Variants in ANKRD44 observed in about 807,000 individuals in gnomAD.
ANKRD44 encodes the protein serine/threonine-protein phosphatase 6 regulatory ankyrin repeat subunit B.
ANKRD44 carries 35 observed loss-of-function variants against 116.0 expected under a neutral mutation model. That is an observed-to-expected ratio of 0.30 (90% CI 0.23 to 0.40). The LOEUF (loss-of-function observed/expected upper bound fraction) is 0.40. Ranked by LOEUF, ANKRD44 falls within the 10% of genes least tolerant of loss-of-function variation. The pLI is 1.00. For synonymous variants in ANKRD44, 435 were observed against 461.8 expected (o/e 0.94, Z 0.74); for missense variants, 1,014 against 1,242.6 (o/e 0.82, Z 2.77).
At chr2:197,083,568 G>GAA in intron 13 of ANKRD44, 59 bp from the exon 14 acceptor site, 2 of 1,556,828 alleles carry the variant, frequency 1.3e-6, no homozygotes, top group Non-Finnish European at 1.7e-6. Context: ...CCTGTTGTTG[G>GAA]CACTAGCACT....
intron 1 of ANKRD44, chr2:197,263,584 C>G (rs757893243): frequency 2.1e-5 from 5 of 241,512 alleles, no homozygotes; most frequent in Non-Finnish European, 4.2e-5. Flanking sequence ...TCTTGTCAGC[C>G]CTGTATGTTT....
At position 197,057,723 on chromosome 2, in the gene ANKRD44, C is replaced by T. The variant is rs553976424; in HGVS notation, c.1650+20980G>A. ...ATTTTTAAAAGTTAGCCAGGCATGGCGGCACATGCCTGTAATCCCAGATAC... is the reference window on the plus strand; with the variant it reads ...ATTTTTAAAAGTTAGCCAGGCATGGTGGCACATGCCTGTAATCCCAGATAC... On this transcript the variant is annotated intron_variant, in intron 16 of 27. Transcript: ENST00000282272. Among the ~76,000 whole-genome samples the T allele has an allele frequency of 4.6e-5, 7 of 152,192 alleles. No homozygotes were observed. In the East Asian group the frequency reaches 1.2e-3, roughly 25 times the overall value.
At chr2:197,050,343 T>TA (rs2077083560) in intron 16 of ANKRD44, among the ~76,000 whole-genome samples, 1 of 152,092 alleles carries the variant, frequency 6.6e-6, no homozygotes. Context: ...TGGGGACACA[T>TA]ATCCAAATCA....
At chr2:197,236,371 C>T (rs1046025813) in intron 1 of ANKRD44, among the ~76,000 whole-genome samples, 3 of 152,120 alleles carry the variant, frequency 2.0e-5, no homozygotes, top group Admixed American at 1.3e-4. Context: ...ACTGAGGCTG[C>T]CACTCACAGG....
intron 3 of ANKRD44, among the ~76,000 whole-genome samples, chr2:197,145,383 TC>T (rs1379260653): frequency 6.6e-6 from 1 of 152,102 alleles, no homozygotes; most frequent in African/African-American, 2.4e-5. Context: ...ACCACAAAGT[TC>T]TTTATTTTAT....
At chr2:197,042,168 G>A (rs56353829) in intron 16 of ANKRD44, among the ~76,000 whole-genome samples, 24,418 of 152,080 alleles carry the variant, frequency 0.16, 3,851 homozygotes, top group African/African-American at 0.41. Flanking sequence ...TTCCTACTTT[G>A]AGTCTTTCCA....
At chr2:197,254,123 T>C (rs940306626) in intron 1 of ANKRD44, among the ~76,000 whole-genome samples, 5 of 152,184 alleles carry the variant, frequency 3.3e-5, no homozygotes, top group Admixed American at 2.6e-4. Flanking sequence ...CGAGGCACGG[T>C]GGCTCACGCC....
chr2:197,043,120 A>C (rs1335188793), intron 16 of ANKRD44, among the ~76,000 whole-genome samples: 2 of 152,220 alleles, frequency 1.3e-5, no homozygotes, highest in African/African-American at 2.4e-5. Flanking sequence ...AACCAGTTTC[A>C]CTGTTTGCTG....
intron 16 of ANKRD44, among the ~76,000 whole-genome samples, chr2:197,037,226 T>C (rs1464695978): frequency 2.0e-5 from 3 of 152,232 alleles, no homozygotes; most frequent in African/African-American, 7.2e-5. Context: ...CAAATAAACA[T>C]TACTAGAGAA....
chr2:197,245,065 A>T (rs2082162266), intron 1 of ANKRD44, among the ~76,000 whole-genome samples: 1 of 152,196 alleles, frequency 6.6e-6, no homozygotes, highest in African/African-American at 2.4e-5. Flanking sequence ...TTTTGAGACC[A>T]ACCTGGCCAA....
chr2:197,236,874 T>C (rs2081990252), intron 1 of ANKRD44, among the ~76,000 whole-genome samples: 2 of 152,208 alleles, frequency 1.3e-5, no homozygotes, highest in Admixed American at 6.5e-5. Flanking sequence ...CTACTGTTTT[T>C]AGCTTACTCC....
intron 4 of ANKRD44, among the ~76,000 whole-genome samples, chr2:197,131,243 G>C (rs1466561701): frequency 2.7e-5 from 4 of 149,322 alleles, no homozygotes; most frequent in African/African-American, 9.9e-5. Context: ...CCAGGCTGGA[G>C]TGCAGTGGCG....
At chr2:197,175,512 T>C (rs1297034221) in intron 2 of ANKRD44, among the ~76,000 whole-genome samples, 1 of 152,130 alleles carries the variant, frequency 6.6e-6, no homozygotes, top group Non-Finnish European at 1.5e-5. Context: ...ACACACAGTG[T>C]CGGTACCACT....
intron 16 of ANKRD44, among the ~76,000 whole-genome samples, chr2:197,063,034 TGACCCCC>T (rs2077350050): frequency 6.6e-6 from 1 of 151,150 alleles, no homozygotes; most frequent in African/African-American, 2.5e-5. Context: ...AGTGGGTCCC[TGACCCCC>T]GAGTAGCCTA....
intron 1 of ANKRD44, among the ~76,000 whole-genome samples, chr2:197,269,814 G>C (rs531631119): frequency 1.3e-5 from 2 of 152,294 alleles, no homozygotes; most frequent in Admixed American, 1.3e-4. Context: ...AGGCTTCGGA[G>C]AGACAGTGGC....
In ANKRD44 at chr2:197,140,363, T is replaced by C. The variant is rs139157206; in HGVS notation, c.191-3701A>G. ...TAGAGACAGGGTCTCACTCTGTCAC[T>C]CAGGCTGGAGTGTAGTGGCATTATA... On this transcript the variant is annotated intron_variant, in intron 3 of 27. Transcript: ENST00000282272. 2.9e-3 allele frequency among the ~76,000 whole-genome samples: 437 copies of C among 152,004 alleles called. 1 individual carries two copies. The highest frequency in any genetic ancestry group is 0.017 in the East Asian group (86 of 5,132).
intron 16 of ANKRD44, among the ~76,000 whole-genome samples, chr2:197,033,710 AT>A (rs1474954728): frequency 2.0e-5 from 3 of 151,024 alleles, no homozygotes; most frequent in African/African-American, 7.3e-5. Context: ...GTCTCTAACA[AT>A]TTTCTTTAAT....
chr2:197,153,027 C>A (rs2079695694), intron 2 of ANKRD44, among the ~76,000 whole-genome samples: 1 of 151,692 alleles, frequency 6.6e-6, no homozygotes, highest in South Asian at 2.1e-4. Context: ...GACCAGGAGA[C>A]CTCGTCTCTA....
intron 16 of ANKRD44, among the ~76,000 whole-genome samples, chr2:197,025,952 T>C (rs1329561523): frequency 1.3e-5 from 2 of 150,884 alleles, no homozygotes; most frequent in Non-Finnish European, 2.9e-5. Flanking sequence ...GGCAGGAAAA[T>C]GACATTCTCG....
Sources: allele counts gnomAD v4.1 joint callset (sites outside exome capture counted in the v4.1 genomes callset), GRCh38; gene constraint gnomAD v4.1.1; transcripts MANE v1.5; gene names NCBI Gene and HGNC (gene_info 2026-07-23, HGNC 2026-07-21).